PRKN: variants seen among roughly 807,000 people sequenced by gnomAD.
The protein encoded by PRKN is parkin RBR E3 ubiquitin protein ligase, also known as E3 ubiquitin-protein ligase parkin.
In PRKN, 56 loss-of-function variants were observed where a neutral mutation model predicts 59.5. That is an observed-to-expected ratio of 0.94 (90% CI 0.76 to 1.18). The LOEUF (loss-of-function observed/expected upper bound fraction) is 1.18. PRKN is among the 50% of genes most tolerant of loss of function. PRKN has a pLI of 0.00. For synonymous variants in PRKN, 250 were observed against 222.1 expected (o/e 1.13, Z -1.12); for missense variants, 657 against 596.4 (o/e 1.10, Z -1.06).
chr6:162,179,951 T>C, intron 4 of PRKN, among the ~76,000 whole-genome samples: 1 of 92,486 alleles, frequency 1.1e-5, no homozygotes, highest in Non-Finnish European at 2.7e-5. Flanking sequence ...GGGACAGTGC[T>C]TTTTGTTATC....
intron 9 of PRKN, among the ~76,000 whole-genome samples, chr6:161,416,295 C>A (rs1440470752): frequency 6.6e-6 from 1 of 152,122 alleles, no homozygotes; most frequent in Non-Finnish European, 1.5e-5. Flanking sequence ...TCTAACATAA[C>A]TGGAGAGCTT....
At chr6:162,243,320 G>T (rs1049645845) in intron 3 of PRKN, among the ~76,000 whole-genome samples, 3 of 152,084 alleles carry the variant, frequency 2.0e-5, no homozygotes, top group Non-Finnish European at 4.4e-5. Context: ...GGGTTAATAA[G>T]AAGCCATCAA....
At chr6:161,506,642 G>A (rs1778182746) in intron 9 of PRKN, among the ~76,000 whole-genome samples, 1 of 152,222 alleles carries the variant, frequency 6.6e-6, no homozygotes, top group Non-Finnish European at 1.5e-5. Flanking sequence ...AAAGGAGGAT[G>A]ATGCAGGTGG....
rs757005515 is a variant in PRKN at position 161,360,339 on chromosome 6, G to A, written c.1168-134C>T. On this transcript the variant is annotated intron_variant, in intron 10 of 11. Transcript: ENST00000366898. This position sits in a 1 kb window ranked among gnomAD's most constrained non-coding sequence, Gnocchi z 5.1. Reference sequence around the variant, plus strand: ...TCGGGCAAGAAGCCTAAATATCAATGCACTTGACAAATGCTAGACAGCTAC... The same window carrying A: ...TCGGGCAAGAAGCCTAAATATCAATACACTTGACAAATGCTAGACAGCTAC... The A allele has an allele frequency of 1.2e-4, 87 of 755,494 alleles. No individual in the cohort carries two copies. The highest frequency in any genetic ancestry group is 9.6e-6 in the Non-Finnish European group (4 of 417,846). The allele number at this position is 755,494 out of a possible 1,614,324, so 46.8% of individuals were successfully genotyped here. A position where few individuals can be genotyped will look rare whatever the true frequency, so the allele number is the denominator to read the frequency against.
intron 2 of PRKN, among the ~76,000 whole-genome samples, chr6:162,356,747 T>TAAAAAAAAAAAAAAAAAAAAAAAAAA (rs748212596): frequency 1.4e-4 from 10 of 73,058 alleles, no homozygotes; most frequent in Middle Eastern, 0.011. Flanking sequence ...TGATTATTAG[T>TAAAAAAAAAAAAAAAAAAAAAAAAAA]AAAAAAAAAA....
At chr6:162,450,474 C>T (rs994224342) in intron 1 of PRKN, among the ~76,000 whole-genome samples, 1 of 149,230 alleles carries the variant, frequency 6.7e-6, no homozygotes, top group Non-Finnish European at 1.5e-5. Context: ...CAAAAACAAC[C>T]TCACAGTGGA....
intron 10 of PRKN, among the ~76,000 whole-genome samples, chr6:161,367,695 G>A (rs951981880): frequency 6.6e-5 from 10 of 152,296 alleles, no homozygotes; most frequent in African/African-American, 2.2e-4. Context: ...TGTAGGCATG[G>A]CGCTGGGACA....
chr6:161,389,969 T>A (rs1159836508), intron 9 of PRKN, among the ~76,000 whole-genome samples: 1 of 152,176 alleles, frequency 6.6e-6, no homozygotes, highest in Admixed American at 6.5e-5. Flanking sequence ...GCATATCAAA[T>A]GAAAGCCTCC....
At chr6:162,215,217 T>G (rs1038632375) in intron 3 of PRKN, among the ~76,000 whole-genome samples, 2 of 152,220 alleles carry the variant, frequency 1.3e-5, no homozygotes, top group African/African-American at 4.8e-5. Flanking sequence ...GGCTTTAGAT[T>G]CTTTTGAAGG....
At chr6:161,452,752 T>C (rs1279370698) in intron 9 of PRKN, among the ~76,000 whole-genome samples, 2 of 152,156 alleles carry the variant, frequency 1.3e-5, no homozygotes, top group African/African-American at 4.8e-5. Context: ...AGATTCTTCA[T>C]GGTGACCAAG....
chr6:162,429,218 A>T (rs186348593), intron 2 of PRKN, among the ~76,000 whole-genome samples: 1 of 152,310 alleles, frequency 6.6e-6, no homozygotes, highest in African/African-American at 2.4e-5. Context: ...TGATGCCCTC[A>T]GCAACCCAAG....
At chr6:162,645,172 T>A (rs532112935) in intron 1 of PRKN, among the ~76,000 whole-genome samples, 1 of 152,324 alleles carries the variant, frequency 6.6e-6, no homozygotes, top group East Asian at 1.9e-4. Context: ...TTCTATTGAA[T>A]ACTGACAGCC....
At position 162,262,844 on chromosome 6, in the gene PRKN, C is replaced by T. The variant is rs7744798; in HGVS notation, c.172-79G>A. ...GAAATGCGAGATAGAGTTTAACTTG[C>T]CCTCCGTGGTAGAAGGGAAGCAAAA... On this transcript the variant is annotated intron_variant, in intron 2 of 11. Coordinates refer to ENST00000366898, the MANE Select transcript of PRKN (RefSeq NM_004562.3). 500,083 of 1,557,090 alleles carry T rather than the reference C, an allele frequency of 0.32. 90,383 individuals carry two copies. Among genetic ancestry groups the T allele is most frequent in the African/African-American group, 0.76 (55,633 of 73,308 alleles).
At chr6:161,574,329 G>A (rs145179811) in intron 7 of PRKN, among the ~76,000 whole-genome samples, 3 of 152,204 alleles carry the variant, frequency 2.0e-5, no homozygotes, top group Non-Finnish European at 4.4e-5. Flanking sequence ...AGGAAAACAT[G>A]GGCCTGGCGA....
At chr6:161,806,649 C>G (rs754814970) in intron 6 of PRKN, among the ~76,000 whole-genome samples, 21 of 152,178 alleles carry the variant, frequency 1.4e-4, no homozygotes, top group Non-Finnish European at 3.1e-4. Flanking sequence ...AGCTCTTATT[C>G]TGTAGGACGG....
intron 1 of PRKN, among the ~76,000 whole-genome samples, chr6:162,714,755 T>A (rs1778661453): frequency 6.6e-6 from 1 of 152,248 alleles, no homozygotes; most frequent in South Asian, 2.1e-4. Flanking sequence ...CAGACCCCAA[T>A]GAAGCAAAAG....
chr6:161,606,194 G>T (rs1782275808), intron 7 of PRKN, among the ~76,000 whole-genome samples: 1 of 152,214 alleles, frequency 6.6e-6, no homozygotes, highest in Admixed American at 6.5e-5. Context: ...TTGGTGTGAA[G>T]AACAGGCTGA....
chr6:161,676,032 G>A (rs1785072768), intron 7 of PRKN, among the ~76,000 whole-genome samples: 1 of 152,164 alleles, frequency 6.6e-6, no homozygotes, highest in South Asian at 2.1e-4. Context: ...CCTCTGAGAG[G>A]CACTCTGAGT....
At chr6:162,223,576 C>G (rs948651240) in intron 3 of PRKN, among the ~76,000 whole-genome samples, 1 of 147,520 alleles carries the variant, frequency 6.8e-6, no homozygotes, top group Admixed American at 6.8e-5. Context: ...GACATCTATA[C>G]GTATGTGTAT....
Sources: allele counts gnomAD v4.1 joint callset (sites outside exome capture counted in the v4.1 genomes callset), GRCh38; gene constraint gnomAD v4.1.1; non-coding constraint Gnocchi (gnomAD v3.1); transcripts MANE v1.5; gene names NCBI Gene and HGNC (gene_info 2026-07-23, HGNC 2026-07-21).